Variants in SMARCA2 observed in about 807,000 individuals in gnomAD.
SMARCA2 encodes SWI/SNF-related matrix-associated actin-dependent regulator of chromatin subfamily A member 2.
Under a neutral mutation model 199.8 loss-of-function variants are expected in SMARCA2, and 61 were observed. The ratio of observed to expected loss-of-function variants is 0.31; its 90% confidence interval spans 0.25 to 0.38. The LOEUF is 0.38. SMARCA2 is among the 10% of genes least tolerant of loss of function. SMARCA2 has a pLI of 1.00. For missense variants in SMARCA2, 1,344 were observed against 2,012.2 expected (o/e 0.67, Z 6.35); for synonymous variants, 935 against 732.0 (o/e 1.28, Z -4.48).
At chr9:2,052,803 C>T (rs963764157) in intron 5 of SMARCA2, among the ~76,000 whole-genome samples, 5 of 152,012 alleles carry the variant, frequency 3.3e-5, no homozygotes, top group Admixed American at 6.5e-5. Context: ...CACTTTTTCA[C>T]GTTAATGAAA....
intron 27 of SMARCA2, among the ~76,000 whole-genome samples, chr9:2,154,885 C>T (rs1365375187): frequency 2.0e-5 from 3 of 152,180 alleles, no homozygotes; most frequent in Admixed American, 1.3e-4. Flanking sequence ...CTGAGGAGCC[C>T]TGCTCAACAG....
In SMARCA2 at chr9:2,115,540, T is replaced by C. The variant is rs1362256460; in HGVS notation, c.3457-282T>C. Among the ~76,000 whole-genome samples, 1 of 152,208 alleles carries C rather than the reference T, an allele frequency of 6.6e-6. No homozygotes were observed. Among genetic ancestry groups the C allele is most frequent in the Non-Finnish European group, 1.5e-5 (1 of 68,022 alleles). On this transcript the variant is annotated intron_variant, in intron 24 of 33. Coordinates refer to ENST00000349721, the MANE Select transcript of SMARCA2 (RefSeq NM_003070.5). The surrounding 1 kb of genome is among the most constrained non-coding windows in gnomAD (Gnocchi z 6.0). ...TAATGTTTTAGATATGGACTAAATCTGATGGGGAACCTAGAGACAGATAAA... is the reference window on the plus strand; with the variant it reads ...TAATGTTTTAGATATGGACTAAATCCGATGGGGAACCTAGAGACAGATAAA...
chr9:2,068,979 C>G (rs769098158), intron 9 of SMARCA2: 1 of 151,792 alleles, frequency 6.6e-6, no homozygotes, highest in Non-Finnish European at 1.5e-5. Flanking sequence ...TGCACTGGCA[C>G]CATCTCGGCT....
intron 1 of SMARCA2, among the ~76,000 whole-genome samples, chr9:2,025,750 C>T (rs1818802351): frequency 6.6e-6 from 1 of 152,138 alleles, no homozygotes; most frequent in Non-Finnish European, 1.5e-5. Context: ...CCCCAGGTTT[C>T]TTCATACTGT....
At chr9:2,053,601 A>C (rs886987298) in intron 5 of SMARCA2, among the ~76,000 whole-genome samples, 7 of 152,232 alleles carry the variant, frequency 4.6e-5, no homozygotes, top group African/African-American at 1.4e-4. Flanking sequence ...ATTGTACATT[A>C]AAGGCACTTA....
intron 32 of SMARCA2, 138 bp from the exon 33 acceptor site, chr9:2,191,128 A>C: frequency 1.2e-6 from 1 of 807,418 alleles, no homozygotes; most frequent in Non-Finnish European, 2.0e-6. Flanking sequence ...AGAACCACAC[A>C]GAACAGGCAT....
At chr9:2,158,144 AAGAG>A (rs201551839) in intron 27 of SMARCA2, 1 of 289,414 alleles carries the variant, frequency 3.5e-6, no homozygotes, top group African/African-American at 2.4e-5. Context: ...AAAGAAAGAA[AAGAG>A]AGAAAGAGGG....
chr9:2,019,597 G>C (rs1361495435), intron 1 of SMARCA2, among the ~76,000 whole-genome samples: 3 of 151,168 alleles, frequency 2.0e-5, no homozygotes, highest in African/African-American at 4.9e-5. Flanking sequence ...AGTGACACTT[G>C]TGCAGATAAG....
In SMARCA2 at chr9:2,081,943, C is replaced by T. The variant is rs780356266; in HGVS notation, c.2296C>T (p.Leu766=). The change falls in exon 15 of 34, where the codon CTG becomes TTG. Residue 766 remains leucine (L), a synonymous_variant. Transcript: ENST00000349721. ...TIQTIALITY[L]MEHKRLNGPY... ...ACAGACCATTGCACTCATCACTTAT[C>T]TGATGGAGCACAAAAGACTCAATGG... The T allele has an allele frequency of 3.7e-6, 6 of 1,613,764 alleles. No individual in the cohort carries two copies. Among genetic ancestry groups the T allele is most frequent in the Non-Finnish European group, 3.4e-6 (4 of 1,179,708 alleles).
chr9:2,143,311 A>C (rs1563798795), intron 27 of SMARCA2, among the ~76,000 whole-genome samples: 1 of 152,260 alleles, frequency 6.6e-6, no homozygotes, highest in East Asian at 1.9e-4. Context: ...GGGGAGGAAA[A>C]ATGAGGCTAG....
chr9:2,145,155 C>T (rs1458461408), intron 27 of SMARCA2, among the ~76,000 whole-genome samples: 6 of 151,846 alleles, frequency 4.0e-5, no homozygotes, highest in Non-Finnish European at 7.4e-5. Flanking sequence ...AAAAATTAGC[C>T]GGGCATGGTG....
chr9:2,155,519 G>C (rs1198337380), intron 27 of SMARCA2, among the ~76,000 whole-genome samples: 1 of 152,076 alleles, frequency 6.6e-6, no homozygotes, highest in African/African-American at 2.4e-5. Context: ...CTGACCTTGT[G>C]ATCCACCCGC....
intron 22 of SMARCA2, among the ~76,000 whole-genome samples, chr9:2,103,250 G>A (rs576411156): frequency 1.1e-4 from 17 of 152,120 alleles, no homozygotes; most frequent in Non-Finnish European, 1.9e-4. Flanking sequence ...CACCTGCTCA[G>A]CGTAGCCTCT....
At chr9:2,060,596 G>A (rs550889666) in intron 8 of SMARCA2, among the ~76,000 whole-genome samples, 2 of 152,334 alleles carry the variant, frequency 1.3e-5, no homozygotes, top group East Asian at 1.9e-4. Flanking sequence ...CTTTGTGCCC[G>A]GACTTTGCTG....
chr9:2,157,285 A>C (rs1825417447), intron 27 of SMARCA2, among the ~76,000 whole-genome samples: 1 of 152,148 alleles, frequency 6.6e-6, no homozygotes, highest in African/African-American at 2.4e-5. Flanking sequence ...GCAGGGCACG[A>C]GGGAGGTTTA....
chr9:2,184,659 A>C (rs1262264002), intron 31 of SMARCA2, among the ~76,000 whole-genome samples: 2 of 152,114 alleles, frequency 1.3e-5, no homozygotes, highest in East Asian at 3.9e-4. Context: ...GCCCAAGACA[A>C]TATCTTAAGC....
At position 2,081,563 on chromosome 9, in the gene SMARCA2, T is replaced by A. The variant is rs184864955; in HGVS notation, c.2185-269T>A. On this transcript the variant is annotated intron_variant, in intron 14 of 33. Transcript: ENST00000349721. ...TTTATAATAATTCTAGAATGTCACA[T>A]ACTGTGAAATACTAAGTGTGGATGA... 4.6e-5 allele frequency among the ~76,000 whole-genome samples: 7 copies of A among 152,370 alleles called. No homozygotes were observed. The East Asian group carries it at 1.3e-3, about 29-fold the overall frequency.
chr9:2,120,991 A>G (rs1563782223), intron 26 of SMARCA2, among the ~76,000 whole-genome samples: 1 of 152,168 alleles, frequency 6.6e-6, no homozygotes, highest in Non-Finnish European at 1.5e-5. Flanking sequence ...GAACTAATTA[A>G]AAGGCAGATT....
chr9:2,132,114 C>G (rs1021605140), intron 27 of SMARCA2, among the ~76,000 whole-genome samples: 6 of 152,082 alleles, frequency 3.9e-5, no homozygotes, highest in Non-Finnish European at 7.3e-5. Context: ...CTAAACTCTA[C>G]ACAGGAAAAG....
Sources: gnomAD v4.1 joint callset for allele counts (sites outside exome capture counted in the v4.1 genomes callset) on GRCh38, gnomAD v4.1.1 for gene constraint, Gnocchi (gnomAD v3.1) non-coding constraint, MANE v1.5 for transcripts, NCBI Gene and HGNC (gene_info 2026-07-23, HGNC 2026-07-21) for gene names.